The following CENPP variants were observed in gnomAD, a reference collection of about 807,000 sequenced individuals.
CENPP encodes centromere protein P.
CENPP carries 24 observed loss-of-function variants against 35.6 expected under a neutral mutation model. The observed-to-expected ratio is 0.67, with a 90% CI of 0.49 to 0.95. The LOEUF (loss-of-function observed/expected upper bound fraction) is 0.95. CENPP is among the 40% of genes least tolerant of loss of function. The probability of loss-of-function intolerance (pLI) is 0.00; values close to 1 mark genes in which losing one functional copy is unlikely to be tolerated. For missense variants in CENPP, 332 were observed against 345.3 expected (o/e 0.96, Z 0.31); for synonymous variants, 120 against 125.5 (o/e 0.96, Z 0.29).
At chr9:92,396,986 G>A (rs1363203419) in intron 5 of CENPP, among the ~76,000 whole-genome samples, 1 of 151,694 alleles carries the variant, frequency 6.6e-6, no homozygotes, top group African/African-American at 2.4e-5. Context: ...GACCAACCTG[G>A]GCAACATGAT....
At chr9:92,430,150 T>C (rs1431685517) in intron 5 of CENPP, among the ~76,000 whole-genome samples, 1 of 152,192 alleles carries the variant, frequency 6.6e-6, no homozygotes, top group African/African-American at 2.4e-5. Flanking sequence ...TAAAATGGTA[T>C]CTTATAGTTG....
intron 5 of CENPP, among the ~76,000 whole-genome samples, chr9:92,525,218 T>C (rs776996432): frequency 2.6e-5 from 4 of 151,780 alleles, no homozygotes; most frequent in Non-Finnish European, 5.9e-5. Flanking sequence ...CTCAGGAGGC[T>C]GAGGCAGGAG....
intron 5 of CENPP, chr9:92,417,465 CAT>C: frequency 6.2e-7 from 1 of 1,613,880 alleles, no homozygotes; most frequent in Non-Finnish European, 8.5e-7. Context: ...GGCTCTTGGT[CAT>C]AGTCTTCATC....
At chr9:92,371,870 G>GTT (rs755831563) in intron 4 of CENPP, among the ~76,000 whole-genome samples, 3 of 138,974 alleles carry the variant, frequency 2.2e-5, no homozygotes, top group South Asian at 2.2e-4. Context: ...ATTTGTTGTT[G>GTT]TTTTTTTTTT....
rs141855581 is a variant in CENPP at position 92,592,527 on chromosome 9, A to G, written c.565-18787A>G. On this transcript the variant is annotated intron_variant, in intron 5 of 7. Transcript: ENST00000375587. ...ATAGTATTCCATTGTGTGGATATACAACAAAGTCTTTATCCATCATACTGT... is the reference window on the plus strand; with the variant it reads ...ATAGTATTCCATTGTGTGGATATACGACAAAGTCTTTATCCATCATACTGT... Among the ~76,000 whole-genome samples, 12 of 152,354 alleles carry G rather than the reference A, an allele frequency of 7.9e-5. No homozygotes were observed. The East Asian group carries it at 2.3e-3, about 29-fold the overall frequency.
At position 92,495,978 on chromosome 9, in the gene CENPP, C is replaced by T. The variant is rs1846325017; in HGVS notation, c.565-115336C>T. The T allele has an allele frequency of 5.0e-6, 5 of 991,818 alleles. No individual in the cohort carries two copies. The South Asian group carries it at 1.4e-4, about 28-fold the overall frequency. 61.4% of individuals were successfully genotyped at this position (991,818 alleles called of 1,614,324 possible). A position where few individuals can be genotyped will look rare whatever the true frequency, so the allele number is the denominator to read the frequency against. Reference sequence around the variant, plus strand: ...TTTTTAAAGGGACTTACAGAGTTCTCAGCTAACACCAGTATTCAAGTTGAT... The same window carrying T: ...TTTTTAAAGGGACTTACAGAGTTCTTAGCTAACACCAGTATTCAAGTTGAT... On this transcript the variant is annotated intron_variant, in intron 5 of 7. Coordinates refer to ENST00000375587, the MANE Select transcript of CENPP (RefSeq NM_001012267.3).
intron 5 of CENPP, among the ~76,000 whole-genome samples, chr9:92,559,167 A>G (rs1239177160): frequency 6.6e-6 from 1 of 152,060 alleles, no homozygotes; most frequent in African/African-American, 2.4e-5. Context: ...AATTGTTACA[A>G]AGTTCGGCTA....
At chr9:92,393,192 T>A (rs1382756723) in intron 5 of CENPP, 2 of 1,613,742 alleles carry the variant, frequency 1.2e-6, no homozygotes, top group African/African-American at 1.3e-5. Context: ...TGTCAACTTC[T>A]TCACAGTATA....
chr9:92,582,591 C>T (rs1850453158), intron 5 of CENPP, among the ~76,000 whole-genome samples: 1 of 151,360 alleles, frequency 6.6e-6, no homozygotes, highest in African/African-American at 2.4e-5. Context: ...TCTGCCCTCT[C>T]TTTTATTATC....
chr9:92,601,584 G>A (rs1850920353), intron 5 of CENPP, among the ~76,000 whole-genome samples: 1 of 152,200 alleles, frequency 6.6e-6, no homozygotes, highest in Non-Finnish European at 1.5e-5. Flanking sequence ...AAAGGACAGA[G>A]GTGCCTGGCC....
At chr9:92,551,650 G>A (rs1292530669) in intron 5 of CENPP, among the ~76,000 whole-genome samples, 1 of 151,892 alleles carries the variant, frequency 6.6e-6, no homozygotes, top group Non-Finnish European at 1.5e-5. Flanking sequence ...CACCCTATTT[G>A]TTGTCTTTTA....
At chr9:92,367,878 A>T (rs1392960037) in intron 4 of CENPP, among the ~76,000 whole-genome samples, 1 of 152,186 alleles carries the variant, frequency 6.6e-6, no homozygotes, top group Non-Finnish European at 1.5e-5. Flanking sequence ...AGCCGCCCAA[A>T]GCACTGGGAT....
chr9:92,420,619 ATTG>A (rs1305423892), intron 5 of CENPP, among the ~76,000 whole-genome samples: 3 of 151,832 alleles, frequency 2.0e-5, no homozygotes, highest in African/African-American at 7.3e-5. Context: ...ATTCCCCATT[ATTG>A]TTTTTGGGTG....
chr9:92,403,583 TA>T (rs1160399537), intron 5 of CENPP: 91 of 1,234,344 alleles, frequency 7.4e-5, no homozygotes, highest in Non-Finnish European at 9.0e-5. Context: ...ATTTAACCCT[TA>T]GTGATCTTTA....
intron 5 of CENPP, chr9:92,457,510 G>A (rs752090969): frequency 1.3e-6 from 2 of 1,515,964 alleles, no homozygotes; most frequent in Non-Finnish European, 1.8e-6. Flanking sequence ...AAAAAGAAAG[G>A]ATTAAAAATA....
At chr9:92,607,619 A>G (rs1851119348) in intron 5 of CENPP, among the ~76,000 whole-genome samples, 1 of 152,202 alleles carries the variant, frequency 6.6e-6, no homozygotes, top group South Asian at 2.1e-4. Context: ...GCCAGACATA[A>G]TTTTTGGGAA....
intron 5 of CENPP, chr9:92,456,257 C>T (rs1280966099): frequency 6.6e-6 from 1 of 152,040 alleles, no homozygotes; most frequent in African/African-American, 2.4e-5. Flanking sequence ...TCTGATTTTA[C>T]ATATGTTGAA....
At chr9:92,457,568 G>A in intron 5 of CENPP, 5 of 1,001,286 alleles carry the variant, frequency 5.0e-6, no homozygotes, top group Non-Finnish European at 7.5e-6. Context: ...ATTTGTTTGT[G>A]GGTTTATTCA....
At chr9:92,485,183 G>A (rs1441308558) in intron 5 of CENPP, among the ~76,000 whole-genome samples, 2 of 152,200 alleles carry the variant, frequency 1.3e-5, no homozygotes, top group African/African-American at 4.8e-5. Context: ...CATTCCAAAT[G>A]AAACAGTGTA....
Sources: allele counts gnomAD v4.1 joint callset (sites outside exome capture counted in the v4.1 genomes callset), GRCh38; gene constraint gnomAD v4.1.1; transcripts MANE v1.5; gene names NCBI Gene and HGNC (gene_info 2026-07-23, HGNC 2026-07-21).